Variants in CCSER1 observed in about 807,000 individuals in gnomAD.
The protein encoded by CCSER1 is coiled-coil serine rich protein 1, also known as serine-rich coiled-coil domain-containing protein 1.
A neutral mutation model predicts 82.0 loss-of-function variants in CCSER1; 41 were observed. The observed-to-expected ratio is 0.50, with a 90% CI of 0.39 to 0.65. The LOEUF (loss-of-function observed/expected upper bound fraction) is 0.65. CCSER1 is among the 30% of genes least tolerant of loss of function. CCSER1 has a pLI of 0.00. For synonymous variants in CCSER1, 414 were observed against 383.9 expected (o/e 1.08, Z -0.92); for missense variants, 1,119 against 1,064.2 (o/e 1.05, Z -0.72).
At chr4:90,729,215 T>C (rs1744261832) in intron 7 of CCSER1, among the ~76,000 whole-genome samples, 1 of 152,224 alleles carries the variant, frequency 6.6e-6, no homozygotes, top group African/African-American at 2.4e-5. Context: ...ATTATTATTT[T>C]TATAGATGCA....
At chr4:91,113,186 G>A (rs75447921) in intron 10 of CCSER1, among the ~76,000 whole-genome samples, 1 of 152,122 alleles carries the variant, frequency 6.6e-6, no homozygotes, top group Non-Finnish European at 1.5e-5. Flanking sequence ...TTCAGAACCT[G>A]ATTTAAGAGA....
chr4:90,356,695 A>T (rs544220754), intron 3 of CCSER1, among the ~76,000 whole-genome samples: 1 of 151,962 alleles, frequency 6.6e-6, no homozygotes, highest in Non-Finnish European at 1.5e-5. Flanking sequence ...TTTTAATATT[A>T]TTAAATCGTT....
intron 5 of CCSER1, among the ~76,000 whole-genome samples, chr4:90,471,743 G>A (rs1378403874): frequency 6.6e-6 from 1 of 151,472 alleles, no homozygotes; most frequent in African/African-American, 2.4e-5. Flanking sequence ...GGGAGGCCGA[G>A]GCGGGCGGAT....
rs770337702 is a variant in CCSER1 at position 91,503,177 on chromosome 4, T to C, written c.2218-95395T>C. On this transcript the variant is annotated intron_variant, in intron 10 of 10. Transcript: ENST00000509176. ...CTAACATGGTGAAACCCCGTCTCTA[T>C]TAAAAATAGAAAAAATAAGCTGGGC... Among the ~76,000 whole-genome samples, 8 of 151,484 alleles carry C rather than the reference T, an allele frequency of 5.3e-5. No individual in the cohort carries two copies. In the East Asian group the frequency reaches 7.8e-4, roughly 15 times the overall value.
In CCSER1 at chr4:90,296,942, G is replaced by A. The variant is rs375318304; in HGVS notation, c.-41-11302G>A. Among the ~76,000 whole-genome samples, 22 of 152,264 alleles carry A rather than the reference G, an allele frequency of 1.4e-4. No homozygotes were observed. In the South Asian group the frequency reaches 4.6e-3, roughly 32 times the overall value. ...CAGGTAGCGTGATGCTTCCAGCTTT[G>A]TTCTTTTGGCTTAGGATTGACTTGG... On this transcript the variant is annotated intron_variant, in intron 1 of 10. Coordinates refer to ENST00000509176, the MANE Select transcript of CCSER1 (RefSeq NM_001145065.2).
intron 10 of CCSER1, among the ~76,000 whole-genome samples, chr4:91,336,869 G>A (rs1747360216): frequency 1.3e-5 from 2 of 151,986 alleles, no homozygotes; most frequent in South Asian, 2.1e-4. Context: ...ATTTGTTAAT[G>A]GTTAGGTAAT....
At chr4:91,445,447 G>A (rs1755491837) in intron 10 of CCSER1, among the ~76,000 whole-genome samples, 1 of 149,564 alleles carries the variant, frequency 6.7e-6, no homozygotes, top group Admixed American at 6.7e-5. Flanking sequence ...CCACCCAATA[G>A]CAAAGACACT....
At chr4:90,947,041 T>C (rs751118505) in intron 9 of CCSER1, among the ~76,000 whole-genome samples, 1 of 152,204 alleles carries the variant, frequency 6.6e-6, no homozygotes, top group Non-Finnish European at 1.5e-5. Context: ...AAGAATGTCT[T>C]AGATTGTACA....
intron 10 of CCSER1, among the ~76,000 whole-genome samples, chr4:91,446,668 A>ATAT (rs1755580746): frequency 5.3e-5 from 2 of 37,838 alleles, no homozygotes; most frequent in African/African-American, 1.4e-4. Context: ...ATATATTTTA[A>ATAT]ATAAATAAAT....
chr4:91,256,054 G>A (rs899830870), intron 10 of CCSER1, among the ~76,000 whole-genome samples: 1 of 152,138 alleles, frequency 6.6e-6, no homozygotes, highest in African/African-American at 2.4e-5. Flanking sequence ...TACCAAAAAT[G>A]AGTAAGAGAA....
chr4:90,943,176 C>A (rs1018696835), intron 9 of CCSER1, among the ~76,000 whole-genome samples: 1 of 151,966 alleles, frequency 6.6e-6, no homozygotes. Flanking sequence ...TTTCTGTGTA[C>A]ATTTTCACTA....
chr4:91,295,991 G>T (rs1441806105), intron 10 of CCSER1, among the ~76,000 whole-genome samples: 1 of 151,856 alleles, frequency 6.6e-6, no homozygotes, highest in African/African-American at 2.4e-5. Context: ...AAGTATAGCG[G>T]TCTATCAAAG....
At chr4:90,271,866 T>TATATA in intron 1 of CCSER1, among the ~76,000 whole-genome samples, 1 of 56,020 alleles carries the variant, frequency 1.8e-5, no homozygotes, top group Non-Finnish European at 3.0e-5. Context: ...ATATATATTT[T>TATATA]TTTTTTTTTT....
At chr4:90,588,476 T>C (rs937016017) in intron 5 of CCSER1, among the ~76,000 whole-genome samples, 16 of 152,212 alleles carry the variant, frequency 1.1e-4, no homozygotes, top group African/African-American at 3.6e-4. Flanking sequence ...TTTGCAGCAA[T>C]TCAGTTACTT....
intron 10 of CCSER1, among the ~76,000 whole-genome samples, chr4:91,406,600 G>A (rs886350263): frequency 6.6e-6 from 1 of 152,088 alleles, no homozygotes; most frequent in Non-Finnish European, 1.5e-5. Context: ...GCTAGTTATC[G>A]CATGTTATGT....
At chr4:90,646,149 G>A (rs762468736) in intron 6 of CCSER1, among the ~76,000 whole-genome samples, 9 of 152,134 alleles carry the variant, frequency 5.9e-5, no homozygotes, top group East Asian at 5.8e-4. Flanking sequence ...AACTGCTGGC[G>A]TTGATTTTGG....
intron 9 of CCSER1, among the ~76,000 whole-genome samples, chr4:90,958,010 C>T (rs1733699556): frequency 1.3e-5 from 2 of 152,078 alleles, no homozygotes; most frequent in South Asian, 4.1e-4. Flanking sequence ...CTTGAGAGAG[C>T]TTCTAGGTTA....
At chr4:90,404,672 A>G (rs915398587) in intron 4 of CCSER1, among the ~76,000 whole-genome samples, 2 of 152,182 alleles carry the variant, frequency 1.3e-5, no homozygotes, top group East Asian at 1.9e-4. Flanking sequence ...AGACCTGAAC[A>G]TGGATCTCAT....
chr4:90,914,446 T>C (rs900367872), intron 8 of CCSER1, among the ~76,000 whole-genome samples: 1 of 152,036 alleles, frequency 6.6e-6, no homozygotes, highest in Non-Finnish European at 1.5e-5. Context: ...TTGAAACCAA[T>C]GAGAACAAAG....
Sources: gnomAD v4.1 joint callset for allele counts (sites outside exome capture counted in the v4.1 genomes callset) on GRCh38, gnomAD v4.1.1 for gene constraint, MANE v1.5 for transcripts, NCBI Gene and HGNC (gene_info 2026-07-23, HGNC 2026-07-21) for gene names.